The following CYRIA variants were observed in gnomAD, a reference collection of about 807,000 sequenced individuals.
CYRIA encodes CYFIP-related Rac1 interactor A.
In CYRIA, 15 loss-of-function variants were observed where a neutral mutation model predicts 43.9. That is an observed-to-expected ratio of 0.34 (90% CI 0.23 to 0.53). CYRIA has a LOEUF of 0.53. Ranked by LOEUF, CYRIA falls within the 20% of genes least tolerant of loss-of-function variation. The pLI, the probability that CYRIA is intolerant of heterozygous loss-of-function variation, is 0.94. For missense variants in CYRIA, 236 were observed against 394.2 expected, an observed-to-expected ratio of 0.60 and a Z score of 3.40; for synonymous variants, 117 against 136.0, an observed-to-expected ratio of 0.86 and a Z score of 0.97.
chr2:16,604,880 G>A (rs914505515), intron 2 of CYRIA, among the ~76,000 whole-genome samples: 6 of 152,310 alleles, frequency 3.9e-5, no homozygotes, highest in South Asian at 4.1e-4. Context: ...ATTTCATTCC[G>A]AGATGAAGGA....
chr2:16,563,186 A>C (rs964026522), intron 5 of CYRIA, among the ~76,000 whole-genome samples: 10 of 152,164 alleles, frequency 6.6e-5, no homozygotes, highest in African/African-American at 2.4e-4. Flanking sequence ...CCTTTGAGGA[A>C]ACATAGAAAG....
At chr2:16,564,236 G>A (rs1666848925) in intron 4 of CYRIA, 142 bp from the exon 5 acceptor site, 2 of 589,384 alleles carry the variant, frequency 3.4e-6, no homozygotes, top group Non-Finnish European at 5.8e-6. Flanking sequence ...TCATCGGATG[G>A]TCCTCCAACA....
chr2:16,628,098 G>A (rs1669222234), intron 1 of CYRIA, among the ~76,000 whole-genome samples: 1 of 152,072 alleles, frequency 6.6e-6, no homozygotes, highest in Non-Finnish European at 1.5e-5. Flanking sequence ...GGAAAGACAG[G>A]GGTCATCTCT....
intron 9 of CYRIA, among the ~76,000 whole-genome samples, chr2:16,560,453 T>C (rs1666684405): frequency 6.6e-6 from 1 of 152,276 alleles, no homozygotes; most frequent in East Asian, 1.9e-4. Context: ...TAGTAGGGGC[T>C]ACAGCCATAA....
intron 2 of CYRIA, among the ~76,000 whole-genome samples, chr2:16,607,111 G>A (rs1464447190): frequency 6.6e-6 from 1 of 152,194 alleles, no homozygotes; most frequent in Non-Finnish European, 1.5e-5. Context: ...GTGCGGCTCT[G>A]CCTTTGTTTC....
At chr2:16,566,142 T>C (rs1666925570) in intron 3 of CYRIA, among the ~76,000 whole-genome samples, 1 of 152,222 alleles carries the variant, frequency 6.6e-6, no homozygotes, top group Non-Finnish European at 1.5e-5. Context: ...TTTATTACTT[T>C]TTCAATTACT....
intron 2 of CYRIA, among the ~76,000 whole-genome samples, chr2:16,599,674 G>A (rs1668132268): frequency 6.6e-6 from 1 of 150,502 alleles, no homozygotes; most frequent in South Asian, 2.1e-4. Context: ...AGATGGAAAT[G>A]CAGAAATCAC....
Position 16,613,553 on chromosome 2 carries a change from A to T in CYRIA, c.-11+10311T>A, listed in dbSNP as rs558724609. Among the ~76,000 whole-genome samples the T allele has an allele frequency of 9.1e-3, 1,393 of 152,334 alleles. 21 individuals are homozygous for T. The highest frequency in any genetic ancestry group is 0.032 in the African/African-American group (1,314 of 41,554). On this transcript the variant is annotated intron_variant, in intron 2 of 11. Coordinates refer to ENST00000381323, the MANE Select transcript of CYRIA (RefSeq NM_030797.4). The stretch of plus-strand genomic sequence containing the variant: ...AATTACCCTCCAGTAGGTTAGTTTG[A>T]AGAGTTACTATATTGTATATTTCTG...
chr2:16,629,565 G>T (rs1278299185), intron 1 of CYRIA, among the ~76,000 whole-genome samples: 1 of 152,288 alleles, frequency 6.6e-6, no homozygotes, highest in East Asian at 1.9e-4. Flanking sequence ...GGACCTCGAG[G>T]CCAGGGATTT....
chr2:16,556,486 G>T (rs955154782), intron 10 of CYRIA, among the ~76,000 whole-genome samples: 35 of 152,270 alleles, frequency 2.3e-4, no homozygotes, highest in African/African-American at 8.2e-4. Context: ...ATGTGGAAGG[G>T]GTGGAAGAGC....
rs6720009 is a variant in CYRIA, at chr2:16,575,626, C to T, written c.71-9859G>A. On this transcript the variant is annotated intron_variant, in intron 3 of 11. Transcript: ENST00000381323. ...ATCCCAGCACTTTGGGAGGCCGAGG[C>T]GGGCGGATCACGAGGTCAGGAGATT... 7.5e-3 allele frequency among the ~76,000 whole-genome samples: 1,145 copies of T among 152,056 alleles called. 8 individuals are homozygous for T. The highest frequency in any genetic ancestry group is 0.017 in the Middle Eastern group (5 of 292).
intron 1 of CYRIA, among the ~76,000 whole-genome samples, chr2:16,635,858 G>A (rs901265957): frequency 2.0e-5 from 3 of 152,176 alleles, no homozygotes; most frequent in Non-Finnish European, 4.4e-5. Flanking sequence ...CCTTGCTTTC[G>A]ACACATTCAA....
At position 16,593,719 on chromosome 2, in the gene CYRIA, T is replaced by G. The variant is rs1219666888; in HGVS notation, c.-10-5590A>C. On this transcript the variant is annotated intron_variant, in intron 2 of 11. Transcript: ENST00000381323. ...GTGTGTTTTTTTTTGTGTGTGTGTG[T>G]TTTTTTTTTTTTTTTTTTTATTATA... Among the ~76,000 whole-genome samples the G allele has an allele frequency of 3.5e-3, 54 of 15,602 alleles. 1 individual carries two copies. Among genetic ancestry groups the G allele is most frequent in the Non-Finnish European group, 5.5e-3 (42 of 7,616 alleles). 10.2% of individuals were successfully genotyped at this position (15,602 alleles called of 152,430 possible). A position where few individuals can be genotyped will look rare whatever the true frequency, so the allele number is the denominator to read the frequency against.
intron 3 of CYRIA, among the ~76,000 whole-genome samples, chr2:16,584,702 C>T (rs1053182371): frequency 5.9e-4 from 90 of 152,296 alleles, no homozygotes; most frequent in Non-Finnish European, 1.0e-4. Flanking sequence ...TCATCTAAAT[C>T]GGACCTCTTG....
chr2:16,563,149 C>T (rs1237703022), intron 5 of CYRIA, among the ~76,000 whole-genome samples: 1 of 152,138 alleles, frequency 6.6e-6, no homozygotes, highest in East Asian at 1.9e-4. Context: ...AATTTGGCTC[C>T]TCAGAATTTC....
intron 4 of CYRIA, among the ~76,000 whole-genome samples, chr2:16,564,987 T>G (rs1468233101): frequency 6.6e-6 from 1 of 152,146 alleles, no homozygotes; most frequent in Non-Finnish European, 1.5e-5. Context: ...GACTTCATGG[T>G]TCATATTTCA....
chr2:16,616,284 A>G (rs771645868), intron 2 of CYRIA, among the ~76,000 whole-genome samples: 3 of 152,180 alleles, frequency 2.0e-5, no homozygotes, highest in Non-Finnish European at 4.4e-5. Context: ...AAAAGGCTTC[A>G]AGTAGAACTT....
intron 1 of CYRIA, among the ~76,000 whole-genome samples, chr2:16,635,944 A>G (rs550863954): frequency 6.6e-6 from 1 of 152,256 alleles, no homozygotes; most frequent in South Asian, 2.1e-4. Context: ...AAACCACCAG[A>G]AGCAGAAACA....
At chr2:16,664,724 G>C (rs1177055926) in intron 1 of CYRIA, among the ~76,000 whole-genome samples, 1 of 152,196 alleles carries the variant, frequency 6.6e-6, no homozygotes, top group African/African-American at 2.4e-5. Flanking sequence ...CCCATCCAGA[G>C]GAGATAGTGA....
Sources: allele counts gnomAD v4.1 joint callset (sites outside exome capture counted in the v4.1 genomes callset), GRCh38; gene constraint gnomAD v4.1.1; transcripts MANE v1.5; gene names NCBI Gene and HGNC (gene_info 2026-07-23, HGNC 2026-07-21).